Variants in INPP4B observed in about 807,000 individuals in gnomAD.
INPP4B encodes the protein inositol polyphosphate-4-phosphatase type II B.
INPP4B carries 55 observed loss-of-function variants against 122.5 expected under a neutral mutation model. The ratio of observed to expected loss-of-function variants is 0.45; its 90% confidence interval spans 0.36 to 0.56. INPP4B has a LOEUF of 0.56. Ranked by LOEUF, INPP4B falls within the 20% of genes least tolerant of loss-of-function variation. The probability of loss-of-function intolerance (pLI) is 0.00; values close to 1 mark genes in which losing one functional copy is unlikely to be tolerated. For synonymous variants in INPP4B, 403 were observed against 388.7 expected, an observed-to-expected ratio of 1.04 and a Z score of -0.43; for missense variants, 1,000 against 1,097.7, an observed-to-expected ratio of 0.91 and a Z score of 1.26.
intron 21 of INPP4B, among the ~76,000 whole-genome samples, chr4:142,120,891 A>C (rs1796274003): frequency 6.6e-6 from 1 of 152,070 alleles, no homozygotes; most frequent in South Asian, 2.1e-4. Context: ...TTCCAGTTGT[A>C]ATATTCCTTT....
At chr4:142,233,457 A>C (rs1172780041) in intron 12 of INPP4B, among the ~76,000 whole-genome samples, 1 of 152,074 alleles carries the variant, frequency 6.6e-6, no homozygotes, top group African/African-American at 2.4e-5. Flanking sequence ...AACAAGCAAA[A>C]TTTTTGCTTA....
At chr4:142,626,296 G>T (rs1242136662) in intron 2 of INPP4B, among the ~76,000 whole-genome samples, 1 of 152,012 alleles carries the variant, frequency 6.6e-6, no homozygotes, top group Non-Finnish European at 1.5e-5. Flanking sequence ...TTATTCAAAA[G>T]GAAAATTACC....
intron 7 of INPP4B, among the ~76,000 whole-genome samples, chr4:142,356,874 G>C (rs1240168523): frequency 1.3e-5 from 2 of 151,864 alleles, no homozygotes; most frequent in Admixed American, 6.6e-5. Flanking sequence ...CTGCAGGAAG[G>C]GGTGAGGGAT....
At chr4:142,409,178 A>C (rs1298973717) in intron 5 of INPP4B, among the ~76,000 whole-genome samples, 3 of 152,178 alleles carry the variant, frequency 2.0e-5, no homozygotes, top group Non-Finnish European at 2.9e-5. Flanking sequence ...GGAAATCCTC[A>C]GTGGAAGCAT....
At chr4:142,783,751 AT>A (rs1411513756) in intron 1 of INPP4B, among the ~76,000 whole-genome samples, 3 of 152,162 alleles carry the variant, frequency 2.0e-5, no homozygotes, top group Non-Finnish European at 4.4e-5. Flanking sequence ...CATGTAGCGT[AT>A]TACTTGCTTC....
At chr4:142,332,960 G>T (rs893400878) in intron 7 of INPP4B, among the ~76,000 whole-genome samples, 2 of 140,490 alleles carry the variant, frequency 1.4e-5, no homozygotes, top group Non-Finnish European at 3.0e-5. Flanking sequence ...GTAGTAAGCC[G>T]AGATCGCGCC....
chr4:142,549,593 G>A (rs1018816450), intron 2 of INPP4B, among the ~76,000 whole-genome samples: 3 of 152,144 alleles, frequency 2.0e-5, no homozygotes, highest in Non-Finnish European at 2.9e-5. Context: ...TCTCCAGGGT[G>A]ATCATATATT....
intron 2 of INPP4B, among the ~76,000 whole-genome samples, chr4:142,495,130 TATTA>T (rs1560721762): frequency 6.6e-6 from 1 of 152,162 alleles, no homozygotes; most frequent in African/African-American, 2.4e-5. Flanking sequence ...AACTTTTCTG[TATTA>T]ATTAATACAT....
intron 7 of INPP4B, among the ~76,000 whole-genome samples, chr4:142,341,547 G>A (rs1001914248): frequency 4.6e-5 from 7 of 152,050 alleles, no homozygotes; most frequent in East Asian, 1.9e-4. Flanking sequence ...CAGTGTTCCC[G>A]TTTTGTATAA....
At chr4:142,635,327 C>G (rs1351422106) in intron 2 of INPP4B, among the ~76,000 whole-genome samples, 6 of 152,218 alleles carry the variant, frequency 3.9e-5, no homozygotes, top group Non-Finnish European at 8.8e-5. Flanking sequence ...AAAAATAGAA[C>G]TACCATTTGA....
chr4:142,188,298 T>C (rs28475821), intron 15 of INPP4B, among the ~76,000 whole-genome samples: 2,005 of 151,364 alleles, frequency 0.013, 53 homozygotes, highest in African/African-American at 0.045. Flanking sequence ...CCATCCTGGC[T>C]AACACGGTGA....
intron 18 of INPP4B, among the ~76,000 whole-genome samples, chr4:142,142,377 C>CT (rs1434250373): frequency 6.6e-6 from 1 of 151,998 alleles, no homozygotes; most frequent in Non-Finnish European, 1.5e-5. Flanking sequence ...CAGAAGGTTG[C>CT]TTTTAGATCC....
chr4:142,096,439 T>C (rs1019280481), intron 23 of INPP4B, among the ~76,000 whole-genome samples: 19 of 152,198 alleles, frequency 1.2e-4, no homozygotes, highest in African/African-American at 4.1e-4. Flanking sequence ...TGGACCTTTG[T>C]ATATGTATAT....
intron 15 of INPP4B, among the ~76,000 whole-genome samples, chr4:142,177,494 ACT>A (rs2152963851): frequency 6.6e-6 from 1 of 152,220 alleles, no homozygotes; most frequent in East Asian, 1.9e-4. Context: ...CAATCAGATG[ACT>A]CTGGAAGAAA....
At chr4:142,642,622 T>A (rs1750770277) in intron 2 of INPP4B, among the ~76,000 whole-genome samples, 1 of 152,216 alleles carries the variant, frequency 6.6e-6, no homozygotes, top group African/African-American at 2.4e-5. Context: ...GTTCCATTGG[T>A]CTATATCTCT....
chr4:142,277,371 G>T (rs1169000467), intron 9 of INPP4B, among the ~76,000 whole-genome samples: 1 of 151,270 alleles, frequency 6.6e-6, no homozygotes, highest in African/African-American at 2.4e-5. Flanking sequence ...TTGTTTTATT[G>T]CCATAATAAA....
intron 2 of INPP4B, among the ~76,000 whole-genome samples, chr4:142,523,906 T>C (rs1410563088): frequency 1.7e-4 from 24 of 143,752 alleles, no homozygotes; most frequent in Non-Finnish European, 3.5e-4. Context: ...GAATATGCGG[T>C]GTTTGGTTTT....
Position 142,143,716 on chromosome 4 carries a change from G to A in INPP4B, c.1720+2124C>T, listed in dbSNP as rs1037400036. Among the ~76,000 whole-genome samples the A allele has an allele frequency of 2.6e-5, 4 of 152,062 alleles. No homozygotes were observed. The South Asian group carries it at 8.3e-4, about 31-fold the overall frequency. On this transcript the variant is annotated intron_variant, in intron 18 of 25. Coordinates refer to ENST00000262992, the MANE Select transcript of INPP4B (RefSeq NM_001101669.3). ...CAGTTCTGACAATCTAACTTATGGG[G>A]AAATAAAATTTAGTTAAAGACTTAC...
intron 1 of INPP4B, among the ~76,000 whole-genome samples, chr4:142,779,478 A>G (rs915475382): frequency 1.3e-5 from 2 of 152,144 alleles, no homozygotes; most frequent in Non-Finnish European, 2.9e-5. Context: ...CATTAGTGAT[A>G]CATGTACTAT....
Sources: allele counts gnomAD v4.1 joint callset (sites outside exome capture counted in the v4.1 genomes callset), GRCh38; gene constraint gnomAD v4.1.1; transcripts MANE v1.5; gene names NCBI Gene and HGNC (gene_info 2026-07-23, HGNC 2026-07-21).